Variants in ZNF43 observed in about 807,000 individuals in gnomAD.
ZNF43 encodes zinc finger protein 43, also known as zinc finger protein 39-like 1 (KOX 27).
ZNF43 carries 44 observed loss-of-function variants against 68.4 expected under a neutral mutation model. The ratio of observed to expected loss-of-function variants is 0.64; its 90% confidence interval spans 0.51 to 0.83. The LOEUF (loss-of-function observed/expected upper bound fraction) is 0.83, where lower values mean the gene tolerates loss of function less well. Among genes scored for constraint, ZNF43 ranks in the 40% least tolerant of loss-of-function variants. The pLI is 0.00. For synonymous variants in ZNF43, 308 were observed against 307.8 expected (o/e 1.00, Z -0.01); for missense variants, 896 against 933.2 (o/e 0.96, Z 0.52).
intron 3 of ZNF43, among the ~76,000 whole-genome samples, chr19:21,813,377 T>C (rs2037374307): frequency 6.6e-6 from 1 of 152,230 alleles, no homozygotes; most frequent in Non-Finnish European, 1.5e-5. Context: ...ATCCATATTT[T>C]TTGTATCAGT....
chr19:21,809,789 G>A lies in ZNF43; in HGVS notation c.248C>T (p.Thr83Ile). The change falls in exon 4 of 4, where the codon ACC becomes ATC. Residue 83 changes from threonine (T) to isoleucine (I), a missense_variant. Transcript: ENST00000354959. ...AKPPVMCSHF[T>I]QDFWPEQHIK... Reference sequence around the variant, plus strand: ...ATGCTGCTCTGGCCAAAAGTCTTGGGTAAAATGAGAACACATAACTGAAAA... The same window carrying A: ...ATGCTGCTCTGGCCAAAAGTCTTGGATAAAATGAGAACACATAACTGAAAA... 2 of 1,558,428 alleles carry A rather than the reference G, an allele frequency of 1.3e-6. No homozygotes were observed. Among genetic ancestry groups the A allele is most frequent in the Non-Finnish European group, 8.6e-7 (1 of 1,157,274 alleles).
intron 3 of ZNF43, among the ~76,000 whole-genome samples, chr19:21,812,338 TCTC>T (rs1452676056): frequency 6.6e-6 from 1 of 152,036 alleles, no homozygotes; most frequent in Non-Finnish European, 1.5e-5. Flanking sequence ...ATGGTCTCGA[TCTC>T]CTGACCTCGT....
intron 1 of ZNF43, among the ~76,000 whole-genome samples, chr19:21,822,313 T>C (rs867858789): frequency 3.9e-5 from 3 of 77,504 alleles, no homozygotes; most frequent in Admixed American, 2.9e-4. Flanking sequence ...AACTCTTGTG[T>C]ATGTATCTTG....
intron 1 of ZNF43, among the ~76,000 whole-genome samples, chr19:21,830,291 CA>C (rs2038362293): frequency 7.1e-6 from 1 of 141,228 alleles, no homozygotes; most frequent in African/African-American, 2.7e-5. Context: ...AAAAAAAAAA[CA>C]AAACAAAAAA....
In ZNF43 at chr19:21,836,146, GAAGAC is replaced by G; in HGVS notation, c.-113_-109del. The G allele has an allele frequency of 6.3e-7, 1 of 1,584,448 alleles. No individual in the cohort carries two copies. Among genetic ancestry groups the G allele is most frequent in the Admixed American group, 1.8e-5 (1 of 55,860 alleles). On this transcript the variant is annotated 5_prime_UTR_variant, in exon 1 of 4. Coordinates refer to ENST00000354959, the MANE Select transcript of ZNF43 (RefSeq NM_003423.4). ...CTAGCAGCAGAGGACACAGAAGAAC[GAAGAC>G]GAGACGCAGAGCTCCAACTGCAGCC... is the stretch of plus-strand genomic sequence containing the variant.
At chr19:21,813,185 G>A (rs777267833) in intron 3 of ZNF43, among the ~76,000 whole-genome samples, 2 of 151,640 alleles carry the variant, frequency 1.3e-5, no homozygotes, top group African/African-American at 2.4e-5. Context: ...AGAGGTTGCA[G>A]TGAACTGAGA....
At chr19:21,843,411 T>TCTAA (rs1967673071) in intron 1 of ZNF43, 1 of 984,104 alleles carries the variant, frequency 1.0e-6, no homozygotes. Flanking sequence ...GGATATTGGG[T>TCTAA]CTAAGTACAC....
At position 21,808,831 on chromosome 19, in the gene ZNF43, T is replaced by C. The variant is rs188259668; in HGVS notation, c.1206A>G (p.Glu402=). ...AGGACCACTTAAAAGCTTTGCCACA[T>C]TCTTCACATTTGTAGGGTTTCTTTT... ...HTEKKPYKCE[E]CGKAFKWSSK... Residue 402 remains glutamate (E), a synonymous_variant, in exon 4 of 4, where the codon GAA becomes GAG. Transcript: ENST00000354959. The C allele has an allele frequency of 1.9e-6, 3 of 1,613,686 alleles. No homozygotes were observed. The highest frequency in any genetic ancestry group is 2.2e-5 in the South Asian group (2 of 91,074).
intron 1 of ZNF43, among the ~76,000 whole-genome samples, chr19:21,835,729 T>C (rs2038687559): frequency 1.3e-5 from 2 of 152,194 alleles, no homozygotes; most frequent in Admixed American, 1.3e-4. Context: ...TTCATGAAAC[T>C]GCATCACGAG....
In ZNF43 at chr19:21,819,232, C is replaced by T. The variant is rs1408617684; in HGVS notation, c.4-11G>A. The stretch of plus-strand genomic sequence containing the variant: ...AAATGTCAATGGTCCCTAAAAAAAA[C>T]AACACATACACACACAAACACACAC... On this transcript the variant is annotated splice_polypyrimidine_tract_variant and intron_variant, in intron 1 of 3. Transcript: ENST00000354959. 1 of 1,583,208 alleles carries T rather than the reference C, an allele frequency of 6.3e-7. No individual in the cohort carries two copies. The highest frequency in any genetic ancestry group is 1.4e-5 in the African/African-American group (1 of 72,846).
chr19:21,827,341 T>A (rs1297162015), intron 1 of ZNF43: 1 of 152,016 alleles, frequency 6.6e-6, no homozygotes, highest in East Asian at 1.9e-4. Context: ...CTTGCAACAC[T>A]GCTAACTGAA....
upstream of ZNF43, among the ~76,000 whole-genome samples, chr19:21,839,191 G>A (rs1050308022): frequency 1.3e-4 from 19 of 151,898 alleles, no homozygotes. Context: ...CAAAAAAGGA[G>A]AGTCACAACA....
chr19:21,814,474 G>T (rs756688150), intron 3 of ZNF43, among the ~76,000 whole-genome samples: 40 of 150,582 alleles, frequency 2.7e-4, no homozygotes, highest in Admixed American at 6.0e-4. Flanking sequence ...GCAACGGCAC[G>T]ATCTGGCTCA....
In ZNF43 at chr19:21,809,942, T is replaced by C. The variant is rs1184320506; in HGVS notation, c.230-135A>G. 1.4e-5 allele frequency: 12 copies of C among 858,844 alleles called. 1 individual carries two copies. The South Asian group carries it at 1.5e-4, about 11-fold the overall frequency. 53.2% of individuals were successfully genotyped at this position (858,844 alleles called of 1,614,324 possible). ...AATACCACAGGCCCTAATTTATTTA[T>C]AGACATATAAATGTAACAAAAACAT... On this transcript the variant is annotated intron_variant, in intron 3 of 3. Coordinates refer to ENST00000354959, the MANE Select transcript of ZNF43 (RefSeq NM_003423.4).
intron 1 of ZNF43, among the ~76,000 whole-genome samples, chr19:21,830,341 C>A (rs1389996823): frequency 6.7e-6 from 1 of 149,082 alleles, no homozygotes; most frequent in East Asian, 2.0e-4. Flanking sequence ...GGAGTAAAAT[C>A]TTTGAAAGAA....
chr19:21,829,153 GGCAGA>G (rs772409384), intron 1 of ZNF43, among the ~76,000 whole-genome samples: 54 of 151,358 alleles, frequency 3.6e-4, no homozygotes, highest in Non-Finnish European at 7.2e-4. Context: ...GAACCCATGA[GGCAGA>G]GGTCACAGTG....
intron 1 of ZNF43, among the ~76,000 whole-genome samples, chr19:21,848,450 G>A (rs2457793): frequency 0.049 from 7,484 of 152,194 alleles, 395 homozygotes; most frequent in African/African-American, 0.13. Flanking sequence ...CCGGCCATAT[G>A]TGACAATTTC....
At chr19:21,851,775 T>C (rs2145446963) in intron 1 of ZNF43, 1 of 997,632 alleles carries the variant, frequency 1.0e-6, no homozygotes, top group Non-Finnish European at 1.4e-6. Context: ...AGCCGCCATC[T>C]TGCGGCCAGA....
At chr19:21,821,934 C>G (rs1029754488) in intron 1 of ZNF43, among the ~76,000 whole-genome samples, 1 of 151,596 alleles carries the variant, frequency 6.6e-6, no homozygotes, top group Non-Finnish European at 1.5e-5. Context: ...ATTTTTTTCT[C>G]TGTCTCTGGG....
Sources: allele counts gnomAD v4.1 joint callset (sites outside exome capture counted in the v4.1 genomes callset), GRCh38; gene constraint gnomAD v4.1.1; transcripts MANE v1.5; gene names NCBI Gene and HGNC (gene_info 2026-07-23, HGNC 2026-07-21).